The following DLEC1 variants were observed in gnomAD, a reference collection of about 807,000 sequenced individuals.
DLEC1 encodes the protein deleted in lung and esophageal cancer protein 1.
In DLEC1, 146 loss-of-function variants were observed where a neutral mutation model predicts 198.1. The ratio of observed to expected loss-of-function variants is 0.74; its 90% CI spans 0.64 to 0.85. The LOEUF (loss-of-function observed/expected upper bound fraction) is 0.85. DLEC1 is among the 40% of genes least tolerant of loss of function. The probability of loss-of-function intolerance (pLI) is 0.00; values close to 1 mark genes in which losing one functional copy is unlikely to be tolerated. For missense variants in DLEC1, 2,233 were observed against 2,220.0 expected (o/e 1.01, Z -0.12); for synonymous variants, 897 against 866.8 (o/e 1.03, Z -0.61).
rs879006074 is a variant in DLEC1 at position 38,121,995 on chromosome 3, G to A, written c.5021-76G>A. 8.6e-5 allele frequency: 137 copies of A among 1,584,338 alleles called. No individual in the cohort carries two copies. The South Asian group carries it at 1.4e-3, about 17-fold the overall frequency. ...TGAGCAAGACCAGAGGTACAGGCCC[G>A]GGGGTGGGTAAAGTCTTCCTGTGGG... On this transcript the variant is annotated intron_variant, in intron 35 of 36. Coordinates refer to ENST00000308059, the MANE Select transcript of DLEC1 (RefSeq NM_007335.4).
At position 38,117,875 on chromosome 3, in the gene DLEC1, C is replaced by T. The variant is rs191295622; in HGVS notation, c.4555C>T (p.Arg1519Trp). Residue 1519 changes from arginine to tryptophan, a missense_variant, in exon 33 of 37, where the codon CGG becomes TGG. Coordinates refer to ENST00000308059, the MANE Select transcript of DLEC1 (RefSeq NM_007335.4). ...TNTTEIPHYF[R>W]LMVSRPFSVS... ...CACTACAGAGATCCCACACTACTTC[C>T]GGCTTATGGTCTCCAGGCCCTTCTC... 1.6e-5 allele frequency: 26 copies of T among 1,614,158 alleles called. No homozygotes were observed. The highest frequency in any genetic ancestry group is 1.3e-4 in the African/African-American group (10 of 75,036).
In DLEC1 at chr3:38,112,464, C is replaced by A; in HGVS notation, c.3666+103C>A. 1 of 1,529,664 alleles carries A rather than the reference C, an allele frequency of 6.5e-7. No individual in the cohort carries two copies. 94.8% of individuals were successfully genotyped at this position (1,529,664 alleles called of 1,614,324 possible). A position where few individuals can be genotyped will look rare whatever the true frequency, so the allele number is the denominator to read the frequency against. On this transcript the variant is annotated intron_variant, in intron 25 of 36. Coordinates refer to ENST00000308059, the MANE Select transcript of DLEC1 (RefSeq NM_007335.4). This position sits in a 1 kb window ranked among gnomAD's most constrained non-coding sequence, Gnocchi z 4.8. ...AACACCTGGCCCTCAGACTCTCAAA[C>A]CTCACCAGGTTGAAACGCGATGCCC...
intron 22 of DLEC1, chr3:38,109,766 C>G (rs2125722179): frequency 1.1e-6 from 1 of 914,966 alleles, no homozygotes; most frequent in Non-Finnish European, 1.6e-6. Flanking sequence ...GTGGTCTCCC[C>G]ACACACACTT....
rs763818745 is a variant in DLEC1 at position 38,094,866 on chromosome 3, G to A, written c.1920-13G>A. 8.7e-6 allele frequency: 14 copies of A among 1,612,474 alleles called. No individual in the cohort carries two copies. The highest frequency in any genetic ancestry group is 4.5e-5 in the East Asian group (2 of 44,872). Reference sequence around the variant, plus strand: ...AGAACTGGGACATGGCCTTGGATGCGTTGCCCCCACAGGCACGTGGAGCTG... The same window carrying A: ...AGAACTGGGACATGGCCTTGGATGCATTGCCCCCACAGGCACGTGGAGCTG... On this transcript the variant is annotated splice_polypyrimidine_tract_variant and intron_variant, in intron 12 of 36. Coordinates refer to ENST00000308059, the MANE Select transcript of DLEC1 (RefSeq NM_007335.4).
Position 38,062,572 on chromosome 3 carries a change from G to A in DLEC1, c.874-9G>A. The A allele has an allele frequency of 6.2e-7, 1 of 1,613,948 alleles. No individual in the cohort carries two copies. Among genetic ancestry groups the A allele is most frequent in the Non-Finnish European group, 8.5e-7 (1 of 1,179,920 alleles). On this transcript the variant is annotated splice_polypyrimidine_tract_variant and intron_variant, in intron 4 of 36. Coordinates refer to ENST00000308059, the MANE Select transcript of DLEC1 (RefSeq NM_007335.4). ...TGTCATTGACTCTATGCTTTTGTATGTTTCAAAGAAAGCAAGTCAACCAAG... is the reference window on the plus strand; with the variant it reads ...TGTCATTGACTCTATGCTTTTGTATATTTCAAAGAAAGCAAGTCAACCAAG...
intron 21 of DLEC1, 41 bp from the exon 22 acceptor site, chr3:38,109,391 G>A: frequency 6.2e-7 from 1 of 1,611,088 alleles, no homozygotes; most frequent in Non-Finnish European, 8.5e-7. Flanking sequence ...ATCTTCAGAG[G>A]CCCCAGGCCT....
intron 6 of DLEC1, among the ~76,000 whole-genome samples, chr3:38,079,605 G>T (rs1301338209): frequency 6.6e-6 from 1 of 152,202 alleles, no homozygotes; most frequent in Non-Finnish European, 1.5e-5. Context: ...AGTTCCAGGG[G>T]CTCTGGGAGT....
intron 23 of DLEC1, among the ~76,000 whole-genome samples, chr3:38,110,777 C>G (rs956382557): frequency 5.9e-5 from 9 of 152,082 alleles, no homozygotes; most frequent in Non-Finnish European, 1.3e-4. Context: ...CACAGACACA[C>G]ACACACACAC....
intron 13 of DLEC1, 130 bp from the exon 14 acceptor site, chr3:38,095,758 C>A: frequency 8.4e-7 from 1 of 1,184,142 alleles, no homozygotes; most frequent in Admixed American, 1.9e-5. Context: ...GGGAAGCAAC[C>A]CTGGGTTTTC....
rs2125735818 is a variant in DLEC1, at chr3:38,114,396, C to T, written c.3721C>T (p.Pro1241Ser). Residue 1241 changes from proline (P) to serine (S), a missense_variant, in exon 26 of 37, where the codon CCC becomes TCC. Transcript: ENST00000308059. ...IPVHMAAVGCPISSLRTTSYT... is the reference protein window; with the variant it reads ...IPVHMAAVGCSISSLRTTSYT... ...AGTGCACATGGCAGCGGTGGGCTGCCCCATCAGCTCCCTGAGGACCACCTC... is the reference window on the plus strand; with the variant it reads ...AGTGCACATGGCAGCGGTGGGCTGCTCCATCAGCTCCCTGAGGACCACCTC... The T allele has an allele frequency of 6.2e-7, 1 of 1,614,112 alleles. No individual in the cohort carries two copies. The highest frequency in any genetic ancestry group is 8.5e-7 in the Non-Finnish European group (1 of 1,180,004).
intron 19 of DLEC1, among the ~76,000 whole-genome samples, chr3:38,102,412 G>A (rs1023334758): frequency 1.3e-5 from 2 of 152,208 alleles, no homozygotes; most frequent in African/African-American, 2.4e-5. Flanking sequence ...TTGTTCTTGC[G>A]TCTTTCCTTT....
At chr3:38,088,212 A>G in intron 9 of DLEC1, 84 bp from the exon 10 acceptor site, 1 of 1,208,254 alleles carries the variant, frequency 8.3e-7, no homozygotes, top group Non-Finnish European at 1.2e-6. Context: ...TGCAAAATGG[A>G]TGTTTGAAGG....
chr3:38,119,588 G>A lies in DLEC1; in HGVS notation c.4705-860G>A, dbSNP rs28463533. Among the ~76,000 whole-genome samples, 1,514 of 152,008 alleles carry A rather than the reference G, an allele frequency of 1.0e-2. 31 individuals carry two copies. Among genetic ancestry groups the A allele is most frequent in the African/African-American group, 0.034 (1,428 of 41,436 alleles). On this transcript the variant is annotated intron_variant, in intron 33 of 36. Coordinates refer to ENST00000308059, the MANE Select transcript of DLEC1 (RefSeq NM_007335.4). Reference sequence around the variant, plus strand: ...TGGGTCTTGCTGTGTCACCTAGGCCGGAGTGCAGTGGCGTGATCATGGTTC... The same window carrying A: ...TGGGTCTTGCTGTGTCACCTAGGCCAGAGTGCAGTGGCGTGATCATGGTTC...
chr3:38,084,509 A>AGTGGTGGTG lies in DLEC1; in HGVS notation c.1261+266_1261+267insGGTGGTGGT, dbSNP rs1698302394. Among the ~76,000 whole-genome samples, 3 of 82,732 alleles carry AGTGGTGGTG rather than the reference A, an allele frequency of 3.6e-5. 1 individual carries two copies. Among genetic ancestry groups the AGTGGTGGTG allele is most frequent in the Admixed American group, 3.4e-4 (3 of 8,954 alleles). 54.3% of individuals were successfully genotyped at this position (82,732 alleles called of 152,430 possible). On this transcript the variant is annotated intron_variant, in intron 7 of 36. Transcript: ENST00000308059. ...TAGTGGTGGTAGTAGTAGTGGTAGT[A>AGTGGTGGTG]GTAGTAGTGGTAGTAGTAGTAGTGG...
rs1559430166 is a variant in DLEC1, at chr3:38,084,440, G to GGTGGTGGTGGTAGTAGTAGTAATAGTA, written c.1261+206_1261+207insAGTAGTAGTAATAGTAGTGGTGGTGGT. 5.2e-3 allele frequency among the ~76,000 whole-genome samples: 10 copies of GGTGGTGGTGGTAGTAGTAGTAATAGTA among 1,910 alleles called. 2 individuals are homozygous for GGTGGTGGTGGTAGTAGTAGTAATAGTA. The East Asian group carries it at 0.087, about 17-fold the overall frequency. 1.3% of individuals were successfully genotyped at this position (1,910 alleles called of 152,430 possible). A position where few individuals can be genotyped will look rare whatever the true frequency, so the allele number is the denominator to read the frequency against. On this transcript the variant is annotated intron_variant, in intron 7 of 36. Coordinates refer to ENST00000308059, the MANE Select transcript of DLEC1 (RefSeq NM_007335.4). ...TAGTAGTGGTAGTAGTAGTAGTGGT[G>GGTGGTGGTGGTAGTAGTAGTAATAGTA]GTGGTGGTGGTGGTAGTAGTAATAG...
chr3:38,075,951 G>T (rs1309882674), intron 6 of DLEC1, among the ~76,000 whole-genome samples: 1 of 152,170 alleles, frequency 6.6e-6, no homozygotes, highest in Non-Finnish European at 1.5e-5. Flanking sequence ...AGGTGTCCTT[G>T]TGTGGTCTGA....
intron 2 of DLEC1, among the ~76,000 whole-genome samples, chr3:38,057,319 C>T (rs1208133685): frequency 1.8e-4 from 28 of 152,134 alleles, no homozygotes; most frequent in Non-Finnish European, 1.5e-5. Context: ...GGTGAAACCC[C>T]GTCTCTACTA....
chr3:38,097,128 A>G, intron 15 of DLEC1, 54 bp from the exon 16 acceptor site: 1 of 1,451,246 alleles, frequency 6.9e-7, no homozygotes, highest in South Asian at 1.2e-5. Context: ...CAGCAGGTAC[A>G]GAATTGACAT....
chr3:38,076,583 G>A (rs989606397), intron 6 of DLEC1, among the ~76,000 whole-genome samples: 4 of 152,130 alleles, frequency 2.6e-5, no homozygotes, highest in Non-Finnish European at 4.4e-5. Flanking sequence ...GCAAGGACCG[G>A]CCATTTACAC....
Sources: gnomAD v4.1 joint callset for allele counts (sites outside exome capture counted in the v4.1 genomes callset) on GRCh38, gnomAD v4.1.1 for gene constraint, Gnocchi (gnomAD v3.1) non-coding constraint, MANE v1.5 for transcripts, NCBI Gene and HGNC (gene_info 2026-07-23, HGNC 2026-07-21) for gene names.